CYTH2: variants seen among roughly 807,000 people sequenced by gnomAD.
CYTH2 encodes cytohesin 2, also known as cytohesin-2.
Under a neutral mutation model 55.4 loss-of-function variants are expected in CYTH2, and 24 were observed. The observed-to-expected ratio is 0.43, with a 90% CI of 0.31 to 0.61. The LOEUF (loss-of-function observed/expected upper bound fraction) is 0.61. CYTH2 is among the 20% of genes least tolerant of loss of function. CYTH2 has a pLI of 0.08. For missense variants in CYTH2, 378 were observed against 533.5 expected, an observed-to-expected ratio of 0.71 and a Z score of 2.87; for synonymous variants, 221 against 209.6, an observed-to-expected ratio of 1.05 and a Z score of -0.47.
rs1014232295 is a variant in CYTH2 at position 48,479,509 on chromosome 19, G to A, written c.*299G>A. On this transcript the variant is annotated 3_prime_UTR_variant, in exon 12 of 12. Coordinates refer to ENST00000452733, the MANE Select transcript of CYTH2 (RefSeq NM_004228.7). ...TGGGTGCTGCCTGGGCTGTCCCGGT[G>A]GGTCTGTTCTGGTTTCACCCCGAGC... 26 of 424,248 alleles carry A rather than the reference G, an allele frequency of 6.1e-5. No homozygotes were observed. The highest frequency in any genetic ancestry group is 4.8e-4 in the African/African-American group (24 of 50,312). 26.3% of individuals were successfully genotyped at this position (424,248 alleles called of 1,614,324 possible). A position where few individuals can be genotyped will look rare whatever the true frequency, so the allele number is the denominator to read the frequency against.
Position 48,478,145 on chromosome 19 carries a change from G to C in CYTH2, c.885G>C (p.Thr295=). 6.2e-7 allele frequency: 1 copy of C among 1,614,006 alleles called. No homozygotes were observed. Among genetic ancestry groups the C allele is most frequent in the African/African-American group, 1.3e-5 (1 of 75,038 alleles). Residue 295 remains threonine, a splice_region_variant and synonymous_variant, in exon 9 of 12, where the codon ACG becomes ACC. Transcript: ENST00000452733. ...DNCLYYFEYT[T]DKEPRGIIPL... ...GCCTCTACTACTTTGAGTACACCACGGTGAGCGTGACCCGACCCGGGCTCT... is the reference window on the plus strand; with the variant it reads ...GCCTCTACTACTTTGAGTACACCACCGTGAGCGTGACCCGACCCGGGCTCT...
Position 48,481,006 on chromosome 19 carries a change from C to A in CYTH2, c.*1796C>A, listed in dbSNP as rs1232537114. 6.6e-6 allele frequency: 1 copy of A among 152,318 alleles called. No homozygotes were observed. Among genetic ancestry groups the A allele is most frequent in the Admixed American group, 6.5e-5 (1 of 15,284 alleles). The allele number at this position is 152,318 out of a possible 1,614,324, so 9.4% of individuals were successfully genotyped here. A position where few individuals can be genotyped will look rare whatever the true frequency, so the allele number is the denominator to read the frequency against. Reference sequence around the variant, plus strand: ...GGCCTGGGCCGCCCCAGGAGGGCCTCTGGCTGGATTCTTAGCAGATGGAAG... The same window carrying A: ...GGCCTGGGCCGCCCCAGGAGGGCCTATGGCTGGATTCTTAGCAGATGGAAG... On this transcript the variant is annotated 3_prime_UTR_variant, in exon 12 of 12. Transcript: ENST00000452733.
intron 2 of CYTH2, 27 bp downstream of exon 2, chr19:48,470,527 G>A: frequency 1.2e-6 from 2 of 1,613,880 alleles, no homozygotes; most frequent in Non-Finnish European, 1.7e-6. Flanking sequence ...ATGACCTAGG[G>A]GGCGTGGGGT....
chr19:48,469,436 C>A lies in CYTH2; in HGVS notation c.-72C>A. 7.6e-7 allele frequency: 1 copy of A among 1,308,550 alleles called. No individual in the cohort carries two copies. The highest frequency in any genetic ancestry group is 9.8e-7 in the Non-Finnish European group (1 of 1,019,958). The allele number at this position is 1,308,550 out of a possible 1,614,324, so 81.1% of individuals were successfully genotyped here. A position where few individuals can be genotyped will look rare whatever the true frequency, so the allele number is the denominator to read the frequency against. On this transcript the variant is annotated 5_prime_UTR_variant, in exon 1 of 12. Coordinates refer to ENST00000452733, the MANE Select transcript of CYTH2 (RefSeq NM_004228.7). ...GGCGTTTGAGCGGGCTCACCCGAGC[C>A]CGCGGGCCAACGCGGATCCAGGCCC...
rs1430964767 is a variant in CYTH2 at position 48,478,598 on chromosome 19, C to T, written c.1112+6C>T. ...GAGTGGATCAAGTCCATCCAGTGAG[C>T]CTGGACTCCTGGGCCTGATGGAGGA... is the stretch of plus-strand genomic sequence containing the variant. On this transcript the variant is annotated splice_donor_region_variant and intron_variant, in intron 11 of 11. Transcript: ENST00000452733. 1.9e-6 allele frequency: 3 copies of T among 1,549,680 alleles called. No homozygotes were observed. Among genetic ancestry groups the T allele is most frequent in the African/African-American group, 3.3e-5 (2 of 60,002 alleles).
intron 3 of CYTH2, among the ~76,000 whole-genome samples, chr19:48,471,097 A>G (rs1971783400): frequency 6.6e-6 from 1 of 152,122 alleles, no homozygotes. Flanking sequence ...AGGAGGAGAC[A>G]TTCAGGTCGG....
In CYTH2 at chr19:48,481,505, T is replaced by TTTTTG. The variant is rs1164298686; in HGVS notation, c.*2315_*2319dup. 335 of 185,894 alleles carry TTTTTG rather than the reference T, an allele frequency of 1.8e-3. 1 individual carries two copies. The highest frequency in any genetic ancestry group is 7.5e-3 in the African/African-American group (311 of 41,662). 11.5% of individuals were successfully genotyped at this position (185,894 alleles called of 1,614,324 possible). A position where few individuals can be genotyped will look rare whatever the true frequency, so the allele number is the denominator to read the frequency against. On this transcript the variant is annotated 3_prime_UTR_variant, in exon 12 of 12. Coordinates refer to ENST00000452733, the MANE Select transcript of CYTH2 (RefSeq NM_004228.7). Reference sequence around the variant, plus strand: ...TTTTTTTGTAGGTTTTTTTTTTTGTTTTTTGTTTTGTTTTGTTTTGTTTTT... The same window carrying TTTTTG: ...TTTTTTTGTAGGTTTTTTTTTTTGTTTTTTGTTTTGTTTTGTTTTGTTTTGTTTTT...
chr19:48,471,925 G>T (rs1419915887), intron 3 of CYTH2, among the ~76,000 whole-genome samples: 1 of 152,108 alleles, frequency 6.6e-6, no homozygotes, highest in Non-Finnish European at 1.5e-5. Flanking sequence ...GTGTGTTGGG[G>T]CATGCCTATA....
In CYTH2 at chr19:48,472,405, G is replaced by A. The variant is rs777674486; in HGVS notation, c.315G>A (p.Gly105=). ...CCCGCTTCCTGTACAAGGGCGAGGG[G>A]CTGAACAAGACAGCCATCGGGGACT... ...EIARFLYKGE[G]LNKTAIGDYL... is the part of the protein sequence containing the mutation. Residue 105 remains glycine, a synonymous_variant, in exon 4 of 12, where the codon GGG becomes GGA. Coordinates refer to ENST00000452733, the MANE Select transcript of CYTH2 (RefSeq NM_004228.7). The A allele has an allele frequency of 5.0e-6, 8 of 1,613,828 alleles. No individual in the cohort carries two copies. In the East Asian group the frequency reaches 1.1e-4, roughly 22 times the overall value.
intron 8 of CYTH2, chr19:48,477,708 C>A (rs1399664149): frequency 1.1e-5 from 3 of 261,634 alleles, no homozygotes; most frequent in Non-Finnish European, 2.2e-5. Context: ...TTCTCGCTGT[C>A]TGCCCCAGGA....
chr19:48,475,496 C>T (rs1354376038), intron 8 of CYTH2: 2 of 156,352 alleles, frequency 1.3e-5, no homozygotes, highest in East Asian at 1.9e-4. Context: ...TGGCTTCCAG[C>T]TGTGGAGGGA....
intron 3 of CYTH2, among the ~76,000 whole-genome samples, chr19:48,472,067 A>G (rs1216581499): frequency 6.6e-6 from 1 of 152,112 alleles, no homozygotes; most frequent in African/African-American, 2.4e-5. Context: ...AAAAAGAGAA[A>G]ATGTACTGAG....
At chr19:48,470,326 C>CT (rs779655364) in intron 1 of CYTH2, 27 bp from the exon 2 acceptor site, 30 of 1,587,956 alleles carry the variant, frequency 1.9e-5, no homozygotes, top group Middle Eastern at 3.4e-4. Flanking sequence ...CTAGCACTGA[C>CT]TTTTAAACCT....
At chr19:48,475,037 G>A (rs1167407715) in intron 8 of CYTH2, 88 bp downstream of exon 8, 3 of 1,181,720 alleles carry the variant, frequency 2.5e-6, no homozygotes, top group Non-Finnish European at 3.6e-6. Context: ...CACACCTGCT[G>A]CCTGAACTGA....
intron 1 of CYTH2, 121 bp from the exon 2 acceptor site, chr19:48,470,232 T>C (rs1449974766): frequency 1.4e-6 from 2 of 1,401,094 alleles, no homozygotes; most frequent in Non-Finnish European, 1.9e-6. Context: ...CAGCCCATTC[T>C]TCTGTGCAGA....
chr19:48,478,043 G>C, intron 8 of CYTH2, 26 bp from the exon 9 acceptor site: 1 of 1,607,830 alleles, frequency 6.2e-7, no homozygotes, highest in South Asian at 1.1e-5. Flanking sequence ...TTGAGCCCAG[G>C]CCCCCTCCCA....
Position 48,474,093 on chromosome 19 carries a change from G to A in CYTH2, c.547+76G>A. On this transcript the variant is annotated intron_variant, in intron 6 of 11. Transcript: ENST00000452733. The surrounding 1 kb of genome is among the most constrained non-coding windows in gnomAD (Gnocchi z 4.9). ...CTCCTAGGTCTGAGGGAGGGAGGGG[G>A]CTGGGAGCTGGGAATCCTGGGTCCT... 1 of 1,544,000 alleles carries A rather than the reference G, an allele frequency of 6.5e-7. No individual in the cohort carries two copies. Among genetic ancestry groups the A allele is most frequent in the Non-Finnish European group, 8.7e-7 (1 of 1,145,468 alleles).
At chr19:48,470,845 C>T (rs1368926986) in intron 3 of CYTH2, among the ~76,000 whole-genome samples, 176 bp downstream of exon 3, 1 of 152,110 alleles carries the variant, frequency 6.6e-6, no homozygotes, top group Non-Finnish European at 1.5e-5. Context: ...TGAACACTGA[C>T]CAAGTGTTCC....
chr19:48,477,877 C>G, intron 8 of CYTH2, 192 bp from the exon 9 acceptor site: 1 of 569,514 alleles, frequency 1.8e-6, no homozygotes, highest in South Asian at 2.4e-5. Context: ...GAGCCCCAAG[C>G]TGGGGGTGGA....
Sources: allele counts gnomAD v4.1 joint callset (sites outside exome capture counted in the v4.1 genomes callset), GRCh38; gene constraint gnomAD v4.1.1; non-coding constraint Gnocchi (gnomAD v3.1); transcripts MANE v1.5; gene names NCBI Gene and HGNC (gene_info 2026-07-23, HGNC 2026-07-21).